The following KLF10 variants were observed in gnomAD, a reference collection of about 807,000 sequenced individuals.
The protein encoded by KLF10 is KLF transcription factor 10.
A neutral mutation model predicts 31.6 loss-of-function variants in KLF10; 17 were observed. The observed-to-expected ratio is 0.54, with a 90% CI of 0.37 to 0.81. The LOEUF (loss-of-function observed/expected upper bound fraction) is 0.81. Ranked by LOEUF, KLF10 falls within the 30% of genes least tolerant of loss-of-function variation. The pLI, the probability that KLF10 is intolerant of heterozygous loss-of-function variation, is 0.00. For missense variants in KLF10, 525 were observed against 598.1 expected, an observed-to-expected ratio of 0.88 and a Z score of 1.27; for synonymous variants, 239 against 215.1, an observed-to-expected ratio of 1.11 and a Z score of -0.97.
In KLF10 at chr8:102,651,740, T is replaced by C. The variant is rs753538346; in HGVS notation, c.592A>G (p.Lys198Glu). 3 of 1,614,238 alleles carry C rather than the reference T, an allele frequency of 1.9e-6. No individual in the cohort carries two copies. Among genetic ancestry groups the C allele is most frequent in the South Asian group, 2.2e-5 (2 of 91,086 alleles). The change falls in exon 3 of 4, where the codon AAG becomes GAG. Residue 198 changes from lysine to glutamate, a missense_variant. Coordinates refer to ENST00000285407, the MANE Select transcript of KLF10 (RefSeq NM_005655.4). Reference sequence around the variant, plus strand: ...GACACAGCGGCACATGGTATGTTCTTTCTTGCAGCCTCAACATTTAGGTGG... The same window carrying C: ...GACACAGCGGCACATGGTATGTTCTCTCTTGCAGCCTCAACATTTAGGTGG... Reference protein sequence around the residue: ...RTHLNVEAARKNIPCAAVSPN... With the variant: ...RTHLNVEAARENIPCAAVSPN...
intron 2 of KLF10, 38 bp downstream of exon 2, chr8:102,652,125 TA>T (rs1563960549): frequency 2.7e-6 from 4 of 1,480,434 alleles, no homozygotes; most frequent in Non-Finnish European, 2.7e-6. Context: ...TTTAAGAAAT[TA>T]TATAATTTAC....
In KLF10 at chr8:102,651,924, C is replaced by T. The variant is rs1176812336; in HGVS notation, c.408G>A (p.Glu136=). The change falls in exon 3 of 4, where the codon GAG becomes GAA. Residue 136 remains glutamate (E), a synonymous_variant. Coordinates refer to ENST00000285407, the MANE Select transcript of KLF10 (RefSeq NM_005655.4). ...AKPHIAAPFK[E]EEKSPVSAPK... ...GGGCAGATACTGGGCTCTTTTCTTC[C>T]TCTTTGAAAGGTGCGGCAATGTGAG... 1.9e-6 allele frequency: 3 copies of T among 1,613,920 alleles called. No individual in the cohort carries two copies. Among genetic ancestry groups the T allele is most frequent in the African/African-American group, 2.7e-5 (2 of 74,876 alleles).
At position 102,650,097 on chromosome 8, in the gene KLF10, C is replaced by A. The variant is rs1310507515; in HGVS notation, c.*35G>T. 1 of 1,609,032 alleles carries A rather than the reference C, an allele frequency of 6.2e-7. No individual in the cohort carries two copies. Among genetic ancestry groups the A allele is most frequent in the East Asian group, 2.2e-5 (1 of 44,834 alleles). On this transcript the variant is annotated 3_prime_UTR_variant, in exon 4 of 4. Transcript: ENST00000285407. Reference sequence around the variant, plus strand: ...ACATCACCACTGGCTCCCGCTGAGACCAAAGTTAGTTCTGACTCTTCACTT... The same window carrying A: ...ACATCACCACTGGCTCCCGCTGAGAACAAAGTTAGTTCTGACTCTTCACTT...
At chr8:102,653,965 G>A in intron 1 of KLF10, 1 of 986,374 alleles carries the variant, frequency 1.0e-6, no homozygotes, top group Non-Finnish European at 1.2e-6. Flanking sequence ...TAACCTCAAT[G>A]AGGCTCACGG....
chr8:102,655,693 G>A lies in KLF10; in HGVS notation c.-92C>T, dbSNP rs1827352345. 7.0e-6 allele frequency: 10 copies of A among 1,430,164 alleles called. No individual in the cohort carries two copies. The highest frequency in any genetic ancestry group is 2.4e-5 in the South Asian group (2 of 84,038). The allele number at this position is 1,430,164 out of a possible 1,614,324, so 88.6% of individuals were successfully genotyped here. On this transcript the variant is annotated 5_prime_UTR_variant, in exon 1 of 4. Coordinates refer to ENST00000285407, the MANE Select transcript of KLF10 (RefSeq NM_005655.4). The stretch of plus-strand genomic sequence containing the variant: ...CGGGCGCACGGAGACACTCGACGCC[G>A]CTCCCGCCGCCGCCGCGCTCAGCGC...
chr8:102,649,717 CG>C lies in KLF10; in HGVS notation c.*414del. 5.2e-6 allele frequency: 1 copy of C among 192,198 alleles called. No individual in the cohort carries two copies. Among genetic ancestry groups the C allele is most frequent in the South Asian group, 1.0e-4 (1 of 9,536 alleles). 11.9% of individuals were successfully genotyped at this position (192,198 alleles called of 1,614,324 possible). A position where few individuals can be genotyped will look rare whatever the true frequency, so the allele number is the denominator to read the frequency against. On this transcript the variant is annotated 3_prime_UTR_variant, in exon 4 of 4. Transcript: ENST00000285407. ...TCATTTTACATCTCCATGTCTGTAC[CG>C]TAATGTTTATTTCCTTCCAGCCTCC...
In KLF10 at chr8:102,652,072, G is replaced by C; in HGVS notation, c.271-11C>G. On this transcript the variant is annotated splice_polypyrimidine_tract_variant and intron_variant, in intron 2 of 3. Transcript: ENST00000285407. ...AGGTGGAGTCAAACACTAAAGAAAA[G>C]GGAAATACATAGCATGAGAAATCTA... is the stretch of plus-strand genomic sequence containing the variant. 1 of 1,569,986 alleles carries C rather than the reference G, an allele frequency of 6.4e-7. No individual in the cohort carries two copies.
In KLF10 at chr8:102,651,807, G is replaced by A. The variant is rs531804648; in HGVS notation, c.525C>T (p.Ala175=). ...CNHQTCPMKA[A]SILNYQNNSF... ...AATTGTTCTGATAGTTGAGGATGCT[G>A]GCTGCTTTCATTGGGCAGGTCTGGT... is the stretch of plus-strand genomic sequence containing the variant. The change falls in exon 3 of 4, where the codon GCC becomes GCT. Residue 175 remains alanine (A), a synonymous_variant. Transcript: ENST00000285407. The A allele has an allele frequency of 6.2e-7, 1 of 1,614,202 alleles. No homozygotes were observed. The highest frequency in any genetic ancestry group is 2.2e-5 in the East Asian group (1 of 44,886).
At chr8:102,653,961 C>T in intron 1 of KLF10, 1 of 986,348 alleles carries the variant, frequency 1.0e-6, no homozygotes, top group Non-Finnish European at 1.2e-6. Flanking sequence ...GCCCTAACCT[C>T]AATGAGGCTC....
chr8:102,651,340 G>A lies in KLF10; in HGVS notation c.992C>T (p.Pro331Leu). ...GGTGCCATTCGGGCTCACCACCGGA[G>A]GCTTTGAACTCTGCACAACGGGCTG... Reference protein sequence around the residue: ...VPQPVVQSSKPPVVSPNGTRL... With the variant: ...VPQPVVQSSKLPVVSPNGTRL... The change falls in exon 3 of 4, where the codon CCT (proline) becomes CTT (leucine). Residue 331 changes from proline to leucine, a missense_variant. Physicochemically the swap from Pro to Leu is moderately conservative, Grantham distance 98 (BLOSUM62 -3). Around this residue, in one of 3 missense-constraint regions of KLF10, gnomAD observed 434 missense variants for 450.7 expected, o/e 0.96. Coordinates refer to ENST00000285407, the MANE Select transcript of KLF10 (RefSeq NM_005655.4). 1 of 1,596,164 alleles carries A rather than the reference G, an allele frequency of 6.3e-7. No homozygotes were observed. The highest frequency in any genetic ancestry group is 1.1e-5 in the South Asian group (1 of 88,248).
chr8:102,648,936 A>G lies in KLF10; in HGVS notation c.*1196T>C, dbSNP rs1361930353. 6.6e-6 allele frequency: 1 copy of G among 152,652 alleles called. No homozygotes were observed. Among genetic ancestry groups the G allele is most frequent in the African/African-American group, 2.4e-5 (1 of 41,458 alleles). 9.5% of individuals were successfully genotyped at this position (152,652 alleles called of 1,614,324 possible). On this transcript the variant is annotated 3_prime_UTR_variant, in exon 4 of 4. Coordinates refer to ENST00000285407, the MANE Select transcript of KLF10 (RefSeq NM_005655.4). Reference sequence around the variant, plus strand: ...CAGAAATCTACACCCAATATACAAAAACAATGTTAAATGGGAAGATATAGT... The same window carrying G: ...CAGAAATCTACACCCAATATACAAAGACAATGTTAAATGGGAAGATATAGT...
rs774628266 is a variant in KLF10, at chr8:102,652,354, A to G, written c.80T>C (p.Met27Thr). The change falls in exon 2 of 4, where the codon ATG becomes ACG. Residue 27 changes from methionine to threonine, a missense_variant. Met to Thr is a moderately conservative substitution (Grantham distance 81, BLOSUM62 -1). Coordinates refer to ENST00000285407, the MANE Select transcript of KLF10 (RefSeq NM_005655.4). ...CTCTGCAGTTTTGTTCCAGGAATAC[A>G]TACTCTCTTTTGGCCTTTCAGAAAT... is the stretch of plus-strand genomic sequence containing the variant. ...EMISERPKES[M>T]YSWNKTAEKS... 281 of 1,610,578 alleles carry G rather than the reference A, an allele frequency of 1.7e-4. No homozygotes were observed. The highest frequency in any genetic ancestry group is 2.2e-4 in the Non-Finnish European group (264 of 1,177,718).
intron 3 of KLF10, 96 bp downstream of exon 3, chr8:102,651,053 A>G (rs1827196722): frequency 8.4e-7 from 1 of 1,193,916 alleles, no homozygotes; most frequent in African/African-American, 1.5e-5. Flanking sequence ...TAAACTAGCT[A>G]AAGGCAAGTT....
intron 1 of KLF10, 75 bp downstream of exon 1, chr8:102,655,486 GGGGCT>G: frequency 6.4e-7 from 1 of 1,561,428 alleles, no homozygotes; most frequent in Non-Finnish European, 8.8e-7. Context: ...GCTGATGTCC[GGGGCT>G]CGGGGTTCGC....
intron 1 of KLF10, among the ~76,000 whole-genome samples, chr8:102,653,305 C>G (rs1827261876): frequency 1.3e-5 from 2 of 152,140 alleles, no homozygotes; most frequent in African/African-American, 4.8e-5. Context: ...TTTGCAAAAA[C>G]CGACTTTAAA....
At position 102,655,677 on chromosome 8, in the gene KLF10, G is replaced by A; in HGVS notation, c.-76C>T. On this transcript the variant is annotated 5_prime_UTR_variant, in exon 1 of 4. Transcript: ENST00000285407. ...GCTGCTTGGCCACAGACGGGCGCAC[G>A]GAGACACTCGACGCCGCTCCCGCCG... 4.5e-6 allele frequency: 7 copies of A among 1,543,784 alleles called. No individual in the cohort carries two copies. The highest frequency in any genetic ancestry group is 6.2e-6 in the Non-Finnish European group (7 of 1,126,770).
Position 102,655,632 on chromosome 8 carries a change from G to A in KLF10, c.-31C>T, listed in dbSNP as rs1827348933. 1.4e-5 allele frequency: 22 copies of A among 1,613,024 alleles called. 1 individual carries two copies. Among genetic ancestry groups the A allele is most frequent in the South Asian group, 4.4e-5 (4 of 91,004 alleles). The stretch of plus-strand genomic sequence containing the variant: ...GCTGCTTGGCCGCCGGCGGCAAGCT[G>A]ACTGGCTGCTAGGCTGCTGGCTGCT... On this transcript the variant is annotated 5_prime_UTR_variant, in exon 1 of 4. Transcript: ENST00000285407.
In KLF10 at chr8:102,655,469, A is replaced by C. The variant is rs201115348; in HGVS notation, c.36+97T>G. Reference sequence around the variant, plus strand: ...CGACTCCGCTGCAGCCCCAATTCTCAGGCATGGCTGATGTCCGGGGCTCGG... The same window carrying C: ...CGACTCCGCTGCAGCCCCAATTCTCCGGCATGGCTGATGTCCGGGGCTCGG... On this transcript the variant is annotated intron_variant, in intron 1 of 3. Transcript: ENST00000285407. 1,459 of 1,475,298 alleles carry C rather than the reference A, an allele frequency of 9.9e-4. 3 individuals are homozygous for C. In the Middle Eastern group the frequency reaches 0.016, roughly 16 times the overall value. 91.4% of individuals were successfully genotyped at this position (1,475,298 alleles called of 1,614,324 possible). A position where few individuals can be genotyped will look rare whatever the true frequency, so the allele number is the denominator to read the frequency against.
intron 1 of KLF10, among the ~76,000 whole-genome samples, chr8:102,655,009 G>A (rs1249654815): frequency 2.0e-5 from 3 of 151,866 alleles, no homozygotes; most frequent in Non-Finnish European, 4.4e-5. Context: ...CTGCTGAGCA[G>A]CCCCCGTCTT....
Sources: gnomAD v4.1 joint callset for allele counts (sites outside exome capture counted in the v4.1 genomes callset) on GRCh38, gnomAD v4.1.1 for gene constraint, gnomAD v4.1.1 regional missense constraint, MANE v1.5 for transcripts, NCBI Gene and HGNC (gene_info 2026-07-23, HGNC 2026-07-21) for gene names.